Variants in FAT3 observed in about 807,000 individuals in gnomAD.
FAT3 encodes the protein protocadherin Fat 3.
FAT3 carries 95 observed loss-of-function variants against 310.2 expected under a neutral mutation model. The ratio of observed to expected loss-of-function variants is 0.31; its 90% CI spans 0.26 to 0.36. The LOEUF (loss-of-function observed/expected upper bound fraction) is 0.36. FAT3 is among the 10% of genes least tolerant of loss of function. The pLI is 1.00. For synonymous variants in FAT3, 2,314 were observed against 2,192.9 expected (o/e 1.06, Z -1.54); for missense variants, 5,408 against 5,715.6 (o/e 0.95, Z 1.74).
intron 2 of FAT3, among the ~76,000 whole-genome samples, chr11:92,377,564 A>G (rs180752702): frequency 1.3e-5 from 2 of 152,322 alleles, no homozygotes; most frequent in South Asian, 2.1e-4. Context: ...ATTATTGAGC[A>G]TGCCCAGGAT....
At position 92,798,508 on chromosome 11, in the gene FAT3, C is replaced by T; in HGVS notation, c.5495C>T (p.Ala1832Val). 1 of 1,613,748 alleles carries T rather than the reference C, an allele frequency of 6.2e-7. No homozygotes were observed. The highest frequency in any genetic ancestry group is 8.5e-7 in the Non-Finnish European group (1 of 1,179,830). Residue 1832 changes from alanine (A) to valine (V), a missense_variant, in exon 10 of 28, where the codon GCA (alanine) becomes GTA (valine). Transcript: ENST00000525166. ...KFFTVDSSTGAIRTIANLDHE... is the reference protein window; with the variant it reads ...KFFTVDSSTGVIRTIANLDHE... The stretch of plus-strand genomic sequence containing the variant: ...TTCACGGTGGACTCCAGTACAGGTG[C>T]AATCAGAACAATTGCCAACCTGGAC...
intron 2 of FAT3, among the ~76,000 whole-genome samples, chr11:92,385,430 C>T (rs749341372): frequency 1.3e-5 from 2 of 152,144 alleles, no homozygotes; most frequent in Non-Finnish European, 2.9e-5. Flanking sequence ...TGCAGTGTCA[C>T]AATCTTGGCT....
At chr11:92,382,216 C>T (rs866383915) in intron 2 of FAT3, among the ~76,000 whole-genome samples, 2 of 152,124 alleles carry the variant, frequency 1.3e-5, no homozygotes, top group African/African-American at 4.8e-5. Flanking sequence ...TTAATTTCCT[C>T]AAATTTGAAA....
chr11:92,438,372 G>A (rs651692), intron 2 of FAT3, among the ~76,000 whole-genome samples: 131,949 of 152,150 alleles, frequency 0.87, 57,285 homozygotes, highest in Admixed American at 0.89. Context: ...GAAAGGGTAT[G>A]AATCAAAATG....
At chr11:92,762,550 T>C (rs1946181036) in intron 5 of FAT3, among the ~76,000 whole-genome samples, 1 of 152,146 alleles carries the variant, frequency 6.6e-6, no homozygotes, top group Non-Finnish European at 1.5e-5. Flanking sequence ...TCTCTCAACA[T>C]GTCCCCGAGA....
At chr11:92,431,975 A>G (rs368573198) in intron 2 of FAT3, among the ~76,000 whole-genome samples, 3 of 152,290 alleles carry the variant, frequency 2.0e-5, no homozygotes, top group Non-Finnish European at 2.9e-5. Context: ...TTGACTTGGC[A>G]ATGCGGGCTC....
intron 3 of FAT3, among the ~76,000 whole-genome samples, chr11:92,549,988 G>A (rs1358891124): frequency 2.0e-5 from 3 of 151,952 alleles, no homozygotes; most frequent in Non-Finnish European, 4.4e-5. Context: ...TTTAGAAATG[G>A]GCCATAATCA....
At chr11:92,539,912 T>C (rs1954384286) in intron 3 of FAT3, among the ~76,000 whole-genome samples, 1 of 152,198 alleles carries the variant, frequency 6.6e-6, no homozygotes, top group Non-Finnish European at 1.5e-5. Context: ...TGTCATCGCA[T>C]AGGGCCCTGT....
At chr11:92,559,190 G>C (rs895667902) in intron 3 of FAT3, among the ~76,000 whole-genome samples, 7 of 151,962 alleles carry the variant, frequency 4.6e-5, no homozygotes, top group Admixed American at 4.6e-4. Context: ...CACCTATTCA[G>C]ATTGTTCAGT....
At chr11:92,310,881 C>A (rs971123744) in intron 1 of FAT3, among the ~76,000 whole-genome samples, 1 of 151,992 alleles carries the variant, frequency 6.6e-6, no homozygotes, top group African/African-American at 2.4e-5. Flanking sequence ...AACTGTCTTG[C>A]AAGACCAGAG....
intron 19 of FAT3, among the ~76,000 whole-genome samples, chr11:92,856,216 G>A (rs754935940): frequency 6.6e-6 from 1 of 152,202 alleles, no homozygotes; most frequent in Non-Finnish European, 1.5e-5. Context: ...AGATCTGGCT[G>A]AGGAATGAGC....
chr11:92,760,285 A>T (rs1011247224), intron 4 of FAT3, among the ~76,000 whole-genome samples: 2 of 152,258 alleles, frequency 1.3e-5, no homozygotes, highest in Admixed American at 1.3e-4. Flanking sequence ...TTGTAAGAGA[A>T]ACTAAACTAG....
chr11:92,353,582 C>G lies in FAT3; in HGVS notation c.1470C>G (p.Ser490Arg), dbSNP rs373479227. The change falls in exon 2 of 28, where the codon AGC becomes AGG. Residue 490 changes from serine (S) to arginine (R), a missense_variant. Physicochemically the swap from Ser to Arg is moderately radical, Grantham distance 110 (BLOSUM62 -1). This residue lies in a region of FAT3 where 4,588 missense variants were observed against 4,809.8 expected (regional missense o/e 0.95). Coordinates refer to ENST00000525166, the MANE Select transcript of FAT3 (RefSeq NM_001367949.2). Reference sequence around the variant, plus strand: ...ATGAAAGTGTCCCAGTGGGAACCAGCGTTCTAACAGTTTCAGCTTCTGATA... The same window carrying G: ...ATGAAAGTGTCCCAGTGGGAACCAGGGTTCTAACAGTTTCAGCTTCTGATA... ...YVNESVPVGT[S>R]VLTVSASDKD... 6.2e-7 allele frequency: 1 copy of G among 1,613,720 alleles called. No individual in the cohort carries two copies. The highest frequency in any genetic ancestry group is 8.5e-7 in the Non-Finnish European group (1 of 1,179,848).
intron 2 of FAT3, among the ~76,000 whole-genome samples, chr11:92,499,499 C>G (rs1952865257): frequency 6.6e-6 from 1 of 151,984 alleles, no homozygotes; most frequent in African/African-American, 2.4e-5. Context: ...TTTGATTATT[C>G]AAGAACTACT....
chr11:92,804,097 G>A (rs559797461), intron 10 of FAT3, among the ~76,000 whole-genome samples: 1 of 152,328 alleles, frequency 6.6e-6, no homozygotes, highest in East Asian at 1.9e-4. Context: ...CAGTTGGCAT[G>A]CAGTATACTT....
intron 3 of FAT3, among the ~76,000 whole-genome samples, chr11:92,670,421 C>T (rs1385046244): frequency 1.3e-5 from 2 of 152,208 alleles, no homozygotes; most frequent in Admixed American, 6.5e-5. Context: ...AGATAGGGAT[C>T]TGCAACTGCG....
At chr11:92,379,308 G>A (rs1486751836) in intron 2 of FAT3, among the ~76,000 whole-genome samples, 1 of 152,068 alleles carries the variant, frequency 6.6e-6, no homozygotes, top group East Asian at 1.9e-4. Context: ...TCATAAATTT[G>A]AACCACAAAA....
chr11:92,303,439 C>T (rs1386948650), intron 1 of FAT3, among the ~76,000 whole-genome samples: 1 of 152,056 alleles, frequency 6.6e-6, no homozygotes, highest in Non-Finnish European at 1.5e-5. Flanking sequence ...AGGTTCAGAT[C>T]AGAAAACATA....
chr11:92,840,308 A>C (rs2136281972), intron 17 of FAT3, among the ~76,000 whole-genome samples: 1 of 152,262 alleles, frequency 6.6e-6, no homozygotes, highest in African/African-American at 2.4e-5. Context: ...TTGTGTTCAC[A>C]CCAGTAGAGG....
Sources: gnomAD v4.1 joint callset for allele counts (sites outside exome capture counted in the v4.1 genomes callset) on GRCh38, gnomAD v4.1.1 for gene constraint, gnomAD v4.1.1 regional missense constraint, MANE v1.5 for transcripts, NCBI Gene and HGNC (gene_info 2026-07-23, HGNC 2026-07-21) for gene names.